Variants in SGCD observed in about 807,000 individuals in gnomAD.
The protein encoded by SGCD is sarcoglycan delta, also known as delta-sarcoglycan.
In SGCD, 18 loss-of-function variants were observed where a neutral mutation model predicts 36.6. The ratio of observed to expected loss-of-function variants is 0.49; its 90% CI spans 0.34 to 0.73. The LOEUF is 0.73. Ranked by LOEUF, SGCD falls within the 30% of genes least tolerant of loss-of-function variation. SGCD has a pLI of 0.01. For synonymous variants in SGCD, 133 were observed against 130.6 expected (o/e 1.02, Z -0.12); for missense variants, 387 against 346.7 (o/e 1.12, Z -0.92).
intron 1 of SGCD, among the ~76,000 whole-genome samples, chr5:156,106,159 T>TG (rs1761644418): frequency 7.0e-6 from 1 of 142,156 alleles, no homozygotes; most frequent in Admixed American, 7.1e-5. Flanking sequence ...AGAATAATAC[T>TG]GTGTTGGTAA....
At chr5:156,408,358 ATTT>A (rs199533412) in intron 3 of SGCD, among the ~76,000 whole-genome samples, 3 of 138,982 alleles carry the variant, frequency 2.2e-5, no homozygotes, top group Non-Finnish European at 3.2e-5. Flanking sequence ...CCCAAGTTGG[ATTT>A]TTTTTTTTTT....
intron 6 of SGCD, among the ~76,000 whole-genome samples, chr5:156,619,555 T>C (rs776656521): frequency 5.9e-5 from 9 of 152,202 alleles, no homozygotes; most frequent in Non-Finnish European, 1.3e-4. Context: ...AAGATCTAGC[T>C]ATATTGTCTC....
the SGCD span, among the ~76,000 whole-genome samples, chr5:155,809,590 G>A: frequency 1.3e-5 from 2 of 152,132 alleles, no homozygotes; most frequent in East Asian, 1.9e-4. Context: ...AAGAAAGAAA[G>A]GGAAACATGA....
rs1478780183 is a variant in SGCD, at chr5:156,098,614, TA to T, written c.-281-19263del. Among the ~76,000 whole-genome samples, 964 of 148,470 alleles carry T rather than the reference TA, an allele frequency of 6.5e-3. 5 individuals carry two copies. The highest frequency in any genetic ancestry group is 0.023 in the African/African-American group (911 of 39,904). On this transcript the variant is annotated intron_variant, in intron 1 of 9. Transcript: ENST00000517913. Reference sequence around the variant, plus strand: ...GTGTGTATGTGTATATATATATATATATATTTATTTATGTTGCATGTGTATA... The same window carrying T: ...GTGTGTATGTGTATATATATATATATTATTTATTTATGTTGCATGTGTATA...
intron 3 of SGCD, among the ~76,000 whole-genome samples, chr5:156,139,263 A>C (rs1762522365): frequency 6.6e-6 from 1 of 152,186 alleles, no homozygotes. Context: ...TCCAAGTCAC[A>C]AAGATATTCT....
chr5:156,300,872 CT>C (rs1162833982), intron 3 of SGCD, among the ~76,000 whole-genome samples: 2 of 151,874 alleles, frequency 1.3e-5, no homozygotes, highest in East Asian at 1.9e-4. Context: ...TAATCTTTGT[CT>C]TTTTTTATAG....
At chr5:156,699,931 G>T (rs32087) in intron 7 of SGCD, among the ~76,000 whole-genome samples, 139,822 of 152,268 alleles carry the variant, frequency 0.92, 64,371 homozygotes, top group East Asian at 0.99. Context: ...GCATTTAAGA[G>T]AAGTAGTAGC....
intron 3 of SGCD, among the ~76,000 whole-genome samples, chr5:156,138,847 G>C (rs1002038731): frequency 6.6e-6 from 1 of 152,226 alleles, no homozygotes; most frequent in East Asian, 1.9e-4. Flanking sequence ...GTCAATACTT[G>C]GTATTGTTAG....
chr5:156,745,885 A>T (rs1756918784), intron 7 of SGCD, among the ~76,000 whole-genome samples: 1 of 152,134 alleles, frequency 6.6e-6, no homozygotes, highest in Non-Finnish European at 1.5e-5. Context: ...AAGAATAGGA[A>T]TGCTAGAGTA....
intron 3 of SGCD, among the ~76,000 whole-genome samples, chr5:156,430,238 G>A (rs1230053134): frequency 6.6e-6 from 1 of 151,846 alleles, no homozygotes; most frequent in East Asian, 1.9e-4. Flanking sequence ...TATCTGATTG[G>A]TTTAGTTCAA....
At chr5:156,325,587 A>C (rs1307740930), upstream of SGCD, among the ~76,000 whole-genome samples, 1 of 152,164 alleles carries the variant, frequency 6.6e-6, no homozygotes, top group Non-Finnish European at 1.5e-5. Flanking sequence ...AGGCTAGATG[A>C]TATCACCTTC....
chr5:155,950,080 T>C lies in SGCD; in HGVS notation c.-282+79656T>C, dbSNP rs1397585474. ...CAAGCAATAGAAAACTTGACTCAAATTGGATGTTTGCAAAAAGAGAATCTA... is the reference window on the plus strand; with the variant it reads ...CAAGCAATAGAAAACTTGACTCAAACTGGATGTTTGCAAAAAGAGAATCTA... On this transcript the variant is annotated intron_variant, in intron 1 of 9. Coordinates refer to the SGCD transcript ENST00000517913. Among the ~76,000 whole-genome samples, 11 of 152,192 alleles carry C rather than the reference T, an allele frequency of 7.2e-5. 1 individual carries two copies. The highest frequency in any genetic ancestry group is 1.5e-4 in the Non-Finnish European group (10 of 68,028).
At chr5:155,775,619 A>G in the SGCD span, among the ~76,000 whole-genome samples, 1 of 152,298 alleles carries the variant, frequency 6.6e-6, no homozygotes, top group East Asian at 1.9e-4. Context: ...TGCCCATTAA[A>G]AAAAAGACAG....
intron 1 of SGCD, 60 bp downstream of exon 1, chr5:156,327,292 C>T (rs1264310326): frequency 6.6e-6 from 1 of 152,304 alleles, no homozygotes; most frequent in Non-Finnish European, 1.5e-5. Context: ...AGCTATCTGC[C>T]TGCTGTATTT....
chr5:156,540,116 G>A (rs910483993), intron 4 of SGCD, among the ~76,000 whole-genome samples: 1 of 152,092 alleles, frequency 6.6e-6, no homozygotes, highest in African/African-American at 2.4e-5. Flanking sequence ...AGTTGAAATA[G>A]TAGTTAGGAC....
intron 3 of SGCD, among the ~76,000 whole-genome samples, chr5:156,282,894 G>A (rs184455426): frequency 7.9e-5 from 12 of 152,128 alleles, no homozygotes; most frequent in African/African-American, 2.4e-4. Flanking sequence ...ATAAAAATAC[G>A]TGATCCAACT....
At chr5:155,811,460 G>T in the SGCD span, among the ~76,000 whole-genome samples, 20 of 152,166 alleles carry the variant, frequency 1.3e-4, no homozygotes, top group Non-Finnish European at 2.5e-4. Context: ...ATGGTCCATT[G>T]TTCAGAACAG....
intron 1 of SGCD, among the ~76,000 whole-genome samples, chr5:155,965,179 CTAATTTCTGTATACCTGATG>C (rs1465005770): frequency 6.6e-6 from 1 of 152,146 alleles, no homozygotes; most frequent in Non-Finnish European, 1.5e-5. Context: ...AACATTCTCC[CTAATTTCTGTATACCTGATG>C]TTTGACCTTG....
intron 1 of SGCD, among the ~76,000 whole-genome samples, chr5:156,099,338 C>T (rs939466231): frequency 6.6e-6 from 1 of 152,212 alleles, no homozygotes; most frequent in Non-Finnish European, 1.5e-5. Context: ...TCAGATTCCT[C>T]TACCCAAATG....
Sources: gnomAD v4.1 joint callset for allele counts (sites outside exome capture counted in the v4.1 genomes callset) on GRCh38, gnomAD v4.1.1 for gene constraint, MANE v1.5 for transcripts, NCBI Gene and HGNC (gene_info 2026-07-23, HGNC 2026-07-21) for gene names.